Variants in QTGAL observed in about 807,000 individuals in gnomAD.
The protein encoded by QTGAL is BGnT-like protein 1.
At chr17:83,012,775 A>G in the QTGAL span, among the ~76,000 whole-genome samples, 1 of 152,100 alleles carries the variant, frequency 6.6e-6, no homozygotes, top group African/African-American at 2.4e-5. Flanking sequence ...CCCGAAGGAC[A>G]TTTTCCCCCA....
chr17:82,971,351 G>C, the QTGAL span, among the ~76,000 whole-genome samples: 1 of 152,194 alleles, frequency 6.6e-6, no homozygotes, highest in Admixed American at 6.5e-5. Flanking sequence ...CTCCAGGGAG[G>C]GGCTCAGTCA....
chr17:83,044,261 A>T, the QTGAL span, among the ~76,000 whole-genome samples: 1 of 152,258 alleles, frequency 6.6e-6, no homozygotes, highest in African/African-American at 2.4e-5. Context: ...AACTGAATCC[A>T]GCAGTATACT....
chr17:83,048,504 T>C, the QTGAL span: 23 of 1,613,776 alleles, frequency 1.4e-5, no homozygotes, highest in Middle Eastern at 3.3e-4. Flanking sequence ...TGCCCCCCAA[T>C]GATCACGTGG....
At chr17:82,968,764 C>T in the QTGAL span, among the ~76,000 whole-genome samples, 1 of 152,174 alleles carries the variant, frequency 6.6e-6, no homozygotes, top group South Asian at 2.1e-4. Flanking sequence ...CTTTTGGAGG[C>T]TGAGGCGGGC....
At chr17:82,980,988 A>C in the QTGAL span, 1 of 152,214 alleles carries the variant, frequency 6.6e-6, no homozygotes, top group African/African-American at 2.4e-5. Context: ...ACATAAACTC[A>C]GGTGTGTTTG....
chr17:83,033,503 G>T, the QTGAL span, among the ~76,000 whole-genome samples: 2 of 145,868 alleles, frequency 1.4e-5, no homozygotes, highest in Non-Finnish European at 3.0e-5. Flanking sequence ...ACAGAGTCCC[G>T]CTCTGTCGCC....
At chr17:82,958,604 TG>T in the QTGAL span, among the ~76,000 whole-genome samples, 10 of 151,994 alleles carry the variant, frequency 6.6e-5, no homozygotes, top group Non-Finnish European at 1.5e-4. Flanking sequence ...GGCAATGGGA[TG>T]GGGGGGATGG....
the QTGAL span, among the ~76,000 whole-genome samples, chr17:83,029,861 C>T: frequency 1.3e-5 from 2 of 152,330 alleles, no homozygotes; most frequent in East Asian, 3.9e-4. Context: ...AAGGCTCTGT[C>T]TCCTGCCAGT....
the QTGAL span, among the ~76,000 whole-genome samples, chr17:82,970,942 G>A: frequency 1.6e-4 from 24 of 152,202 alleles, no homozygotes; most frequent in African/African-American, 5.6e-4. Context: ...AGTGGTGTAC[G>A]CAGAGAGCAT....
At chr17:83,050,327 G>A in the QTGAL span, among the ~76,000 whole-genome samples, 3 of 151,942 alleles carry the variant, frequency 2.0e-5, no homozygotes, top group Non-Finnish European at 4.4e-5. Context: ...CCGAGCTCGC[G>A]CCATTGTACT....
the QTGAL span, among the ~76,000 whole-genome samples, chr17:83,023,770 A>T: frequency 6.6e-6 from 1 of 151,900 alleles, no homozygotes; most frequent in African/African-American, 2.4e-5. Context: ...ACGTCTCCCG[A>T]CCTCCAGCAG....
chr17:83,023,286 C>T, the QTGAL span, among the ~76,000 whole-genome samples: 3 of 125,192 alleles, frequency 2.4e-5, no homozygotes, highest in Non-Finnish European at 3.4e-5. Flanking sequence ...CCTGCACCAG[C>T]GTGAACTCAC....
chr17:83,038,581 G>C, the QTGAL span, among the ~76,000 whole-genome samples: 1 of 152,136 alleles, frequency 6.6e-6, no homozygotes, highest in Admixed American at 6.5e-5. Flanking sequence ...ATATTAGGCC[G>C]GGCGCAGTGT....
the QTGAL span, chr17:82,947,740 C>T: frequency 6.6e-6 from 1 of 152,516 alleles, no homozygotes; most frequent in African/African-American, 2.4e-5. Flanking sequence ...TGGCTGCGCC[C>T]CTTACCCCCA....
At chr17:82,947,190 C>G in the QTGAL span, 1 of 515,066 alleles carries the variant, frequency 1.9e-6, no homozygotes, top group Non-Finnish European at 3.5e-6. Flanking sequence ...CTGTTGGTCA[C>G]CAGAGGGGAG....
the QTGAL span, among the ~76,000 whole-genome samples, chr17:83,041,419 A>G: frequency 6.6e-6 from 1 of 152,250 alleles, no homozygotes; most frequent in African/African-American, 2.4e-5. Context: ...TAGGATAAAC[A>G]CAGAAGATTC....
At chr17:83,021,975 TGGAAAAA>T in the QTGAL span, among the ~76,000 whole-genome samples, 2 of 151,986 alleles carry the variant, frequency 1.3e-5, no homozygotes, top group African/African-American at 4.8e-5. Context: ...ACAGGAATGC[TGGAAAAA>T]CCGGACATCA....
the QTGAL span, chr17:83,030,946 A>G: frequency 1.3e-5 from 2 of 152,264 alleles, no homozygotes; most frequent in Non-Finnish European, 2.9e-5. Flanking sequence ...CTCAGAAGTA[A>G]GCAGCGCTCT....
At chr17:82,965,597 G>C in the QTGAL span, 500 of 1,495,846 alleles carry the variant, frequency 3.3e-4, 2 homozygotes, top group African/African-American at 6.1e-3. Context: ...CCCACACACA[G>C]AGACAGGGCC....
Sources: allele counts gnomAD v4.1 joint callset (sites outside exome capture counted in the v4.1 genomes callset), GRCh38; gene constraint gnomAD v4.1.1; transcripts MANE v1.5; gene names NCBI Gene and HGNC (gene_info 2026-07-23, HGNC 2026-07-21).